Variants in SEMA6D observed in about 807,000 individuals in gnomAD.
SEMA6D encodes the protein semaphorin 6D.
Under a neutral mutation model 106.6 loss-of-function variants are expected in SEMA6D, and 35 were observed. That is an observed-to-expected ratio of 0.33 (90% CI 0.25 to 0.44). The LOEUF (loss-of-function observed/expected upper bound fraction) is 0.44, where lower values mean the gene tolerates loss of function less well. Among genes scored for constraint, SEMA6D ranks in the 20% least tolerant of loss-of-function variants. The pLI, the probability that SEMA6D is intolerant of heterozygous loss-of-function variation, is 1.00. For missense variants in SEMA6D, 1,185 were observed against 1,345.9 expected, an observed-to-expected ratio of 0.88 and a Z score of 1.87; for synonymous variants, 499 against 487.7, an observed-to-expected ratio of 1.02 and a Z score of -0.31.
At chr15:47,320,851 G>GC (rs1260910183) in intron 1 of SEMA6D, among the ~76,000 whole-genome samples, 1 of 151,728 alleles carries the variant, frequency 6.6e-6, no homozygotes. Flanking sequence ...TCTCCAGCCC[G>GC]CCCCCCACCT....
chr15:47,217,438 T>A (rs928653364), intron 1 of SEMA6D, among the ~76,000 whole-genome samples: 3 of 152,042 alleles, frequency 2.0e-5, no homozygotes, highest in African/African-American at 7.2e-5. Flanking sequence ...CAGGAAACTG[T>A]AGGGAAATTA....
chr15:47,371,665 A>G (rs947590823), intron 1 of SEMA6D, among the ~76,000 whole-genome samples: 2 of 152,124 alleles, frequency 1.3e-5, no homozygotes, highest in Admixed American at 6.5e-5. Flanking sequence ...CTCGCGTGCC[A>G]TGTTTCCGAG....
At chr15:47,402,981 G>A (rs1422777549) in intron 1 of SEMA6D, among the ~76,000 whole-genome samples, 4 of 152,092 alleles carry the variant, frequency 2.6e-5, no homozygotes, top group South Asian at 2.1e-4. Context: ...GAAACATGCA[G>A]GAACAGAATC....
At chr15:47,227,968 A>G (rs1595774457) in intron 1 of SEMA6D, among the ~76,000 whole-genome samples, 1 of 141,862 alleles carries the variant, frequency 7.0e-6, no homozygotes, top group African/African-American at 2.5e-5. Flanking sequence ...AGAATCTTAT[A>G]TATATTTTAT....
intron 1 of SEMA6D, among the ~76,000 whole-genome samples, chr15:47,383,142 G>A (rs2039702559): frequency 6.6e-6 from 1 of 152,162 alleles, no homozygotes; most frequent in African/African-American, 2.4e-5. Flanking sequence ...CAGCCATCTG[G>A]CACTTACAGC....
At chr15:47,254,329 G>GTATATATA (rs201817469) in intron 1 of SEMA6D, among the ~76,000 whole-genome samples, 9,082 of 132,218 alleles carry the variant, frequency 0.069, 380 homozygotes, top group Non-Finnish European at 0.11. Flanking sequence ...ATGTGTGTGT[G>GTATATATA]TGTATATATA....
At chr15:47,283,551 A>G (rs1355468562) in intron 1 of SEMA6D, among the ~76,000 whole-genome samples, 1 of 152,108 alleles carries the variant, frequency 6.6e-6, no homozygotes, top group African/African-American at 2.4e-5. Flanking sequence ...CAGCTTTCAC[A>G]TTCTACCCGA....
At chr15:47,282,520 C>A (rs2035173901) in intron 1 of SEMA6D, among the ~76,000 whole-genome samples, 1 of 152,164 alleles carries the variant, frequency 6.6e-6, no homozygotes, top group Admixed American at 6.5e-5. Context: ...TTGCTACAAA[C>A]ACTCTTATAA....
chr15:47,429,262 C>T (rs2041448064), intron 2 of SEMA6D, among the ~76,000 whole-genome samples: 1 of 152,056 alleles, frequency 6.6e-6, no homozygotes, highest in Admixed American at 6.6e-5. Context: ...CCTGTGTGAC[C>T]TCAGATAAGT....
At chr15:47,247,239 C>T (rs899880934) in intron 1 of SEMA6D, among the ~76,000 whole-genome samples, 3 of 151,868 alleles carry the variant, frequency 2.0e-5, no homozygotes, top group Non-Finnish European at 2.9e-5. Flanking sequence ...AAAAGGGAGA[C>T]GAGAAAGTTC....
intron 1 of SEMA6D, among the ~76,000 whole-genome samples, chr15:47,756,413 A>G (rs1341110301): frequency 6.6e-6 from 1 of 152,138 alleles, no homozygotes; most frequent in African/African-American, 2.4e-5. Context: ...TTTACTAAAG[A>G]TTTACTGCGG....
intron 4 of SEMA6D, among the ~76,000 whole-genome samples, chr15:47,655,094 C>T (rs12912380): frequency 0.088 from 13,414 of 151,900 alleles, 714 homozygotes; most frequent in Middle Eastern, 0.15. Context: ...AAAGGCCAAC[C>T]GTATATGATA....
At chr15:47,707,708 G>A (rs2078939484) in intron 4 of SEMA6D, among the ~76,000 whole-genome samples, 1 of 152,144 alleles carries the variant, frequency 6.6e-6, no homozygotes, top group Admixed American at 6.5e-5. Context: ...TGTGTATGTG[G>A]CTCATGTAGA....
chr15:47,604,360 ATAAACT>A (rs1460009563), intron 4 of SEMA6D, among the ~76,000 whole-genome samples: 4 of 152,224 alleles, frequency 2.6e-5, no homozygotes, highest in Non-Finnish European at 5.9e-5. Flanking sequence ...ATCCGGTCCG[ATAAACT>A]TAAGAGAAAA....
intron 4 of SEMA6D, among the ~76,000 whole-genome samples, chr15:47,602,194 A>G (rs2076676912): frequency 1.3e-5 from 2 of 152,180 alleles, no homozygotes; most frequent in East Asian, 3.8e-4. Context: ...AACAAACAGG[A>G]TTTGTGAGGC....
At chr15:47,185,996 A>G (rs761350291) in intron 1 of SEMA6D, among the ~76,000 whole-genome samples, 1 of 152,124 alleles carries the variant, frequency 6.6e-6, no homozygotes, top group Non-Finnish European at 1.5e-5. Flanking sequence ...ATAAATATAT[A>G]TGTACAAGTT....
At position 47,420,917 on chromosome 15, in the gene SEMA6D, C is replaced by T. The variant is rs375983579; in HGVS notation, c.-159+8445C>T. Among the ~76,000 whole-genome samples the T allele has an allele frequency of 1.6e-4, 25 of 152,056 alleles. No homozygotes were observed. The East Asian group carries it at 1.7e-3, about 11-fold the overall frequency. On this transcript the variant is annotated intron_variant, in intron 2 of 19. Transcript: ENST00000558014. ...TATGAAGTAGATAAGAATAGAATTA[C>T]GATCACAATTAGTGACATAGACCAT...
intron 3 of SEMA6D, among the ~76,000 whole-genome samples, chr15:47,528,251 T>C (rs1264383500): frequency 6.6e-6 from 1 of 152,340 alleles, no homozygotes; most frequent in African/African-American, 2.4e-5. Flanking sequence ...TTATGCATTT[T>C]CAGTTTTGTC....
chr15:47,659,527 TA>T (rs1490153929), intron 4 of SEMA6D, among the ~76,000 whole-genome samples: 1 of 152,016 alleles, frequency 6.6e-6, no homozygotes, highest in African/African-American at 2.4e-5. Context: ...ACAATGTTTT[TA>T]TTTTTTGTCA....
Sources: allele counts gnomAD v4.1 joint callset (sites outside exome capture counted in the v4.1 genomes callset), GRCh38; gene constraint gnomAD v4.1.1; transcripts MANE v1.5; gene names NCBI Gene and HGNC (gene_info 2026-07-23, HGNC 2026-07-21).